The following KDM7A variants were observed in gnomAD, a reference collection of about 807,000 sequenced individuals.
KDM7A encodes lysine demethylase 7A, also known as lysine-specific demethylase 7A.
Under a neutral mutation model 114.8 loss-of-function variants are expected in KDM7A, and 28 were observed. The observed-to-expected ratio is 0.24, with a 90% CI of 0.18 to 0.33. The LOEUF (loss-of-function observed/expected upper bound fraction) is 0.33. KDM7A is among the 10% of genes least tolerant of loss of function. KDM7A has a pLI of 1.00. For synonymous variants in KDM7A, 423 were observed against 397.8 expected (o/e 1.06, Z -0.75); for missense variants, 942 against 1,142.5 (o/e 0.82, Z 2.53).
intron 1 of KDM7A, among the ~76,000 whole-genome samples, chr7:140,147,625 C>CCACACTAA (rs1417473845): frequency 1.7e-4 from 26 of 152,068 alleles, no homozygotes; most frequent in Non-Finnish European, 3.7e-4. Flanking sequence ...CCCTAAAGTC[C>CCACACTAA]CACACTAACA....
At chr7:140,102,448 T>A (rs1233677701) in intron 11 of KDM7A, among the ~76,000 whole-genome samples, 3 of 151,750 alleles carry the variant, frequency 2.0e-5, no homozygotes, top group Admixed American at 1.3e-4. Context: ...AGTGGTGCAA[T>A]CTTGCCTCAC....
intron 1 of KDM7A, among the ~76,000 whole-genome samples, chr7:140,158,287 G>A (rs1794481196): frequency 1.3e-5 from 2 of 152,136 alleles, no homozygotes; most frequent in East Asian, 3.9e-4. Flanking sequence ...AGACAGAGGG[G>A]GACCAGTTAG....
intron 18 of KDM7A, among the ~76,000 whole-genome samples, chr7:140,092,637 G>C (rs1818040882): frequency 6.6e-6 from 1 of 152,154 alleles, no homozygotes; most frequent in Non-Finnish European, 1.5e-5. Context: ...GATGAGTCTT[G>C]AAATTAACTG....
chr7:140,174,559 A>G (rs1794680349), intron 1 of KDM7A, among the ~76,000 whole-genome samples: 1 of 152,224 alleles, frequency 6.6e-6, no homozygotes, highest in African/African-American at 2.4e-5. Flanking sequence ...CTAGTCTAAA[A>G]TTTGGTAGCC....
intron 17 of KDM7A, among the ~76,000 whole-genome samples, 192 bp downstream of exon 17, chr7:140,096,363 A>G (rs1235827059): frequency 6.6e-6 from 1 of 152,186 alleles, no homozygotes; most frequent in Non-Finnish European, 1.5e-5. Flanking sequence ...AATCCCAGGT[A>G]ATTTACATTT....
chr7:140,124,678 C>T lies in KDM7A; in HGVS notation c.994G>A (p.Val332Met), dbSNP rs777355793. The change falls in exon 7 of 20, where the codon GTG becomes ATG. Residue 332 changes from valine (V) to methionine (M), a missense_variant. Val to Met is a conservative substitution (Grantham distance 21). Transcript: ENST00000397560. Reference sequence around the variant, plus strand: ...ACCACACATTTGTAGCATTTATCCACCTTATCTCCAAAGAACACCTCACTC... The same window carrying T: ...ACCACACATTTGTAGCATTTATCCATCTTATCTCCAAAGAACACCTCACTC... The part of the protein sequence containing the change: ...TQSEVFFGDK[V>M]DKCYKCVVKQ... The T allele has an allele frequency of 6.2e-7, 1 of 1,613,750 alleles. No individual in the cohort carries two copies. Among genetic ancestry groups the T allele is most frequent in the South Asian group, 1.1e-5 (1 of 91,028 alleles).
chr7:140,125,637 G>A (rs1818687057), intron 6 of KDM7A, among the ~76,000 whole-genome samples: 1 of 152,184 alleles, frequency 6.6e-6, no homozygotes, highest in African/African-American at 2.4e-5. Flanking sequence ...TGCAATCACA[G>A]CACACTGCGC....
Position 140,176,721 on chromosome 7 carries a change from G to A in KDM7A, c.194+23C>T. On this transcript the variant is annotated intron_variant, in intron 1 of 19. Coordinates refer to ENST00000397560, the MANE Select transcript of KDM7A (RefSeq NM_030647.2). The surrounding 1 kb of genome is among the most constrained non-coding windows in gnomAD (Gnocchi z 4.4). ...GTCGGTGGCCGGCGGTGGCGGCTGC[G>A]GGGCTGGAGGGGGTTTATTTACCTG... 2.4e-6 allele frequency: 3 copies of A among 1,243,878 alleles called. No homozygotes were observed. Among genetic ancestry groups the A allele is most frequent in the Non-Finnish European group, 3.1e-6 (3 of 968,078 alleles). 77.1% of individuals were successfully genotyped at this position (1,243,878 alleles called of 1,614,324 possible). A position where few individuals can be genotyped will look rare whatever the true frequency, so the allele number is the denominator to read the frequency against.
At chr7:140,118,596 T>C (rs1001489018) in intron 9 of KDM7A, among the ~76,000 whole-genome samples, 14 of 151,348 alleles carry the variant, frequency 9.3e-5, no homozygotes, top group African/African-American at 3.4e-4. Flanking sequence ...TTTTTTTTTT[T>C]AGTAGAGACA....
chr7:140,129,628 G>A lies in KDM7A; in HGVS notation c.424C>T (p.His142Tyr), dbSNP rs572320575. ...TATCTTTGTGTCAGCTGGCTGCCAT[G>A]CATCTTTATAATTATTTCATCGGCA... Reference protein sequence around the residue: ...PSADEIIIKMHGSQLTQRYLE... With the variant: ...PSADEIIIKMYGSQLTQRYLE... Residue 142 changes from histidine to tyrosine, a missense_variant, in exon 4 of 20, where the codon CAT becomes TAT. Physicochemically the swap from His to Tyr is moderately conservative, Grantham distance 83. Coordinates refer to ENST00000397560, the MANE Select transcript of KDM7A (RefSeq NM_030647.2). The A allele has an allele frequency of 6.2e-7, 1 of 1,608,374 alleles. No homozygotes were observed. Among genetic ancestry groups the A allele is most frequent in the South Asian group, 1.1e-5 (1 of 90,908 alleles).
intron 11 of KDM7A, among the ~76,000 whole-genome samples, chr7:140,104,914 A>G (rs1818302114): frequency 6.6e-6 from 1 of 152,108 alleles, no homozygotes. Flanking sequence ...GATTCTTCCT[A>G]TCCATGAGCA....
chr7:140,115,139 C>T (rs1818503917), intron 9 of KDM7A, among the ~76,000 whole-genome samples: 1 of 151,382 alleles, frequency 6.6e-6, no homozygotes, highest in Admixed American at 6.6e-5. Flanking sequence ...GGGGCCAGCC[C>T]CCGGCCAGCC....
intron 1 of KDM7A, among the ~76,000 whole-genome samples, chr7:140,144,488 G>A (rs750348231): frequency 6.0e-4 from 91 of 152,130 alleles, no homozygotes; most frequent in Non-Finnish European, 1.1e-3. Context: ...AAAAGAAAAA[G>A]TAGATAAACT....
chr7:140,164,552 A>C (rs1332481833), intron 1 of KDM7A, among the ~76,000 whole-genome samples: 1 of 152,214 alleles, frequency 6.6e-6, no homozygotes, highest in Non-Finnish European at 1.5e-5. Flanking sequence ...TGTAGCAACT[A>C]ATCACATGTG....
intron 3 of KDM7A, among the ~76,000 whole-genome samples, chr7:140,131,556 C>G (rs1818787193): frequency 6.6e-6 from 1 of 152,170 alleles, no homozygotes; most frequent in South Asian, 2.1e-4. Flanking sequence ...AACTGAGAGT[C>G]CTTTCCTAGA....
chr7:140,150,229 T>C (rs916592083), intron 1 of KDM7A, among the ~76,000 whole-genome samples: 1 of 152,230 alleles, frequency 6.6e-6, no homozygotes, highest in African/African-American at 2.4e-5. Flanking sequence ...CTACTGTCAC[T>C]ATTTTTGACT....
intron 1 of KDM7A, among the ~76,000 whole-genome samples, chr7:140,166,745 G>A (rs931187516): frequency 2.0e-5 from 3 of 152,110 alleles, no homozygotes; most frequent in Non-Finnish European, 1.5e-5. Flanking sequence ...GCATACCCAC[G>A]ATCTACCACT....
chr7:140,175,349 T>A (rs1228932410), intron 1 of KDM7A, among the ~76,000 whole-genome samples: 2 of 152,164 alleles, frequency 1.3e-5, no homozygotes, highest in South Asian at 2.1e-4. Flanking sequence ...GGTCTTGTAG[T>A]GTTTCTGTAA....
At position 140,176,414 on chromosome 7, in the gene KDM7A, C is replaced by CCGCCCGACG. The variant is rs1202393799; in HGVS notation, c.194+321_194+329dup. Among the ~76,000 whole-genome samples, 9 of 143,208 alleles carry CCGCCCGACG rather than the reference C, an allele frequency of 6.3e-5. No homozygotes were observed. The highest frequency in any genetic ancestry group is 4.1e-4 in the Admixed American group (6 of 14,564). The allele number at this position is 143,208 out of a possible 152,430, so 94.0% of individuals were successfully genotyped here. A position where few individuals can be genotyped will look rare whatever the true frequency, so the allele number is the denominator to read the frequency against. ...AGGGGCTGCGGACCCGGCCGGCGCT[C>CCGCCCGACG]CGCCCGACGCCCCCGCCGCGCCCGC... On this transcript the variant is annotated intron_variant, in intron 1 of 19. Coordinates refer to ENST00000397560, the MANE Select transcript of KDM7A (RefSeq NM_030647.2). The surrounding 1 kb of genome is among the most constrained non-coding windows in gnomAD (Gnocchi z 4.4).
Sources: gnomAD v4.1 joint callset for allele counts (sites outside exome capture counted in the v4.1 genomes callset) on GRCh38, gnomAD v4.1.1 for gene constraint, Gnocchi (gnomAD v3.1) non-coding constraint, MANE v1.5 for transcripts, NCBI Gene and HGNC (gene_info 2026-07-23, HGNC 2026-07-21) for gene names.